The following CCDC157 variants were observed in gnomAD, a reference collection of about 807,000 sequenced individuals.
The protein encoded by CCDC157 is coiled-coil domain-containing protein 157.
Under a neutral mutation model 70.9 loss-of-function variants are expected in CCDC157, and 60 were observed. The ratio of observed to expected loss-of-function variants is 0.85; its 90% confidence interval spans 0.69 to 1.05. The LOEUF (loss-of-function observed/expected upper bound fraction) is 1.05. CCDC157 is among the 50% of genes least tolerant of loss of function. The pLI is 0.00. For synonymous variants in CCDC157, 373 were observed against 422.4 expected (o/e 0.88, Z 1.43); for missense variants, 943 against 984.2 (o/e 0.96, Z 0.56).
chr22:30,363,129 C>T (rs1932468262), intron 2 of CCDC157, among the ~76,000 whole-genome samples: 4 of 152,182 alleles, frequency 2.6e-5, no homozygotes, highest in Admixed American at 2.6e-4. Context: ...CTGAAACCAG[C>T]TGCCAGCTCA....
chr22:30,375,364 G>T (rs571642646), intron 9 of CCDC157, 115 bp from the exon 10 acceptor site: 37 of 936,422 alleles, frequency 4.0e-5, no homozygotes, highest in Non-Finnish European at 5.8e-5. Flanking sequence ...ATAAGGCCTC[G>T]GGAGAAGGAA....
chr22:30,364,357 A>C (rs1235720997), intron 2 of CCDC157, among the ~76,000 whole-genome samples: 1 of 152,180 alleles, frequency 6.6e-6, no homozygotes, highest in Non-Finnish European at 1.5e-5. Context: ...AGACAAAAAA[A>C]GTAAAAAAGA....
chr22:30,366,338 G>A, intron 3 of CCDC157, 90 bp downstream of exon 3: 1 of 1,529,534 alleles, frequency 6.5e-7, no homozygotes, highest in Non-Finnish European at 9.0e-7. Context: ...CCAGAGGCAG[G>A]GGTGATGTTG....
At position 30,360,715 on chromosome 22, in the gene CCDC157, C is replaced by A. The variant is rs147788431; in HGVS notation, c.-165-1246C>A. 1.6e-4 allele frequency among the ~76,000 whole-genome samples: 24 copies of A among 152,050 alleles called. No individual in the cohort carries two copies. In the East Asian group the frequency reaches 4.5e-3, roughly 28 times the overall value. On this transcript the variant is annotated intron_variant, in intron 1 of 11. Coordinates refer to ENST00000338306, the MANE Select transcript of CCDC157 (RefSeq NM_001017437.5). ...TCACCTGAGCTCAGGAGTTGGAGAC[C>A]AGCCTGACCAATATGGTGAAACCCT...
chr22:30,375,637 G>A lies in CCDC157; in HGVS notation c.1831G>A (p.Glu611Lys). 6.2e-7 allele frequency: 1 copy of A among 1,613,946 alleles called. No homozygotes were observed. The highest frequency in any genetic ancestry group is 2.2e-5 in the East Asian group (1 of 44,880). ...CCAATCAATGCTGTCCAAAATCCGG[G>A]AAGTGGCCCAGCAGGGTGGCCTCAA... ...RLQSMLSKIR[E>K]VAQQGGLKLI... The change falls in exon 10 of 12, where the codon GAA becomes AAA. Residue 611 changes from glutamate (E) to lysine (K), a missense_variant. Transcript: ENST00000338306.
chr22:30,367,490 C>T (rs1420583097), intron 3 of CCDC157, among the ~76,000 whole-genome samples: 1 of 152,036 alleles, frequency 6.6e-6, no homozygotes, highest in Non-Finnish European at 1.5e-5. Context: ...CCATCTTCCT[C>T]GGCCTCCCAA....
chr22:30,370,634 G>A lies in CCDC157; in HGVS notation c.729G>A (p.Gln243=). 1 of 1,614,102 alleles carries A rather than the reference G, an allele frequency of 6.2e-7. No individual in the cohort carries two copies. Among genetic ancestry groups the A allele is most frequent in the East Asian group, 2.2e-5 (1 of 44,880 alleles). Residue 243 remains glutamine (Q), a synonymous_variant, in exon 5 of 12, where the codon CAG becomes CAA. Transcript: ENST00000338306. ...GCAAGGTGGTCATCAGCCTGTGTCA[G>A]AGCCAGAACCTGCCCTCGTCCTTAG... The part of the protein sequence containing the change: ...KVGKVVISLC[Q]SQNLPSSLGQ...
At position 30,368,953 on chromosome 22, in the gene CCDC157, G is replaced by A. The variant is rs143663460; in HGVS notation, c.249-479G>A. On this transcript the variant is annotated intron_variant, in intron 3 of 11. Transcript: ENST00000338306. ...TGTCACAGAAGCAGCTCACCCTGCA[G>A]AAGCCCCTGACTAGCCTCAGGAGAC... The A allele has an allele frequency of 1.9e-3, 292 of 152,828 alleles. 1 individual carries two copies. The highest frequency in any genetic ancestry group is 3.4e-3 in the Non-Finnish European group (232 of 68,366). 9.5% of individuals were successfully genotyped at this position (152,828 alleles called of 1,614,324 possible).
At chr22:30,371,211 C>A (rs1454358762) in intron 5 of CCDC157, 1 of 559,670 alleles carries the variant, frequency 1.8e-6, no homozygotes, top group Non-Finnish European at 3.2e-6. Context: ...AGTGAGGGAA[C>A]CGAGGTATGT....
rs902698978 is a variant in CCDC157, at chr22:30,377,303, T to C, written c.*558T>C. ...TGCCTTTAGGAAATGGTGACCGTCA[T>C]GAAGGTTTCTCTAAATCCTGGAGAT... On this transcript the variant is annotated 3_prime_UTR_variant, in exon 12 of 12. Transcript: ENST00000338306. 2 of 156,966 alleles carry C rather than the reference T, an allele frequency of 1.3e-5. No individual in the cohort carries two copies. Among genetic ancestry groups the C allele is most frequent in the Admixed American group, 6.0e-5 (1 of 16,550 alleles). The allele number at this position is 156,966 out of a possible 1,614,324, so 9.7% of individuals were successfully genotyped here.
chr22:30,369,552 C>G lies in CCDC157; in HGVS notation c.369C>G (p.Phe123Leu). The stretch of plus-strand genomic sequence containing the variant: ...CCGTGGGGCTCACGGTGCGGCGCTT[C>G]TGGGACAGCCTGCTGAGGCTGGGCA... ...CMSVGLTVRRFWDSLLRLGTL... is the reference protein window; with the variant it reads ...CMSVGLTVRRLWDSLLRLGTL... The change falls in exon 4 of 12, where the codon TTC (phenylalanine) becomes TTG (leucine). Residue 123 changes from phenylalanine (F) to leucine (L), a missense_variant. Phe to Leu is a conservative substitution (Grantham distance 22). Coordinates refer to ENST00000338306, the MANE Select transcript of CCDC157 (RefSeq NM_001017437.5). 2 of 1,600,858 alleles carry G rather than the reference C, an allele frequency of 1.2e-6. No individual in the cohort carries two copies. The highest frequency in any genetic ancestry group is 1.7e-6 in the Non-Finnish European group (2 of 1,173,944).
chr22:30,370,969 A>G lies in CCDC157; in HGVS notation c.1045+19A>G. 1 of 1,594,786 alleles carries G rather than the reference A, an allele frequency of 6.3e-7. No homozygotes were observed. The highest frequency in any genetic ancestry group is 8.5e-7 in the Non-Finnish European group (1 of 1,170,544). On this transcript the variant is annotated intron_variant, in intron 5 of 11. Transcript: ENST00000338306. ...CTCACAGGTCTGTGCCCCAGAGGCC[A>G]GACGCCTGGTGCCCAGGGGCTCTGC...
At chr22:30,357,328 C>G (rs1264005652) in intron 1 of CCDC157, among the ~76,000 whole-genome samples, 196 bp downstream of exon 1, 1 of 152,062 alleles carries the variant, frequency 6.6e-6, no homozygotes, top group Non-Finnish European at 1.5e-5. Context: ...TCCCTTAGTC[C>G]CCCCTTTCAT....
chr22:30,369,632 T>C lies in CCDC157; in HGVS notation c.420+29T>C, dbSNP rs73406447. On this transcript the variant is annotated intron_variant, in intron 4 of 11. Transcript: ENST00000338306. ...GGTCCCAGCCTCTGTCTCAGGTGGG[T>C]CAGCCTCAGCCTCTATCTCCCCACT... 2.1e-4 allele frequency: 302 copies of C among 1,452,364 alleles called. 1 individual carries two copies. In the African/African-American group the frequency reaches 3.9e-3, roughly 19 times the overall value. 90.0% of individuals were successfully genotyped at this position (1,452,364 alleles called of 1,614,324 possible).
Position 30,376,869 on chromosome 22 carries a change from T to C in CCDC157, c.*124T>C. The C allele has an allele frequency of 2.0e-6, 2 of 994,310 alleles. No homozygotes were observed. The highest frequency in any genetic ancestry group is 3.2e-5 in the South Asian group (2 of 62,432). The allele number at this position is 994,310 out of a possible 1,614,324, so 61.6% of individuals were successfully genotyped here. A position where few individuals can be genotyped will look rare whatever the true frequency, so the allele number is the denominator to read the frequency against. On this transcript the variant is annotated 3_prime_UTR_variant, in exon 12 of 12. Transcript: ENST00000338306. ...TATGACTGAGCCAAGGAAAGAACCC[T>C]TCCTTCCCTGTCCTGGGCAGGGGCC...
At position 30,376,687 on chromosome 22, in the gene CCDC157, T is replaced by C. The variant is rs747716003; in HGVS notation, c.2201T>C (p.Leu734Pro). ...GTCTTGGTCAGGCTGAGAAAGAGACTGTCACCTGGCCGGGGACAGGCCAGC... is the reference window on the plus strand; with the variant it reads ...GTCTTGGTCAGGCTGAGAAAGAGACCGTCACCTGGCCGGGGACAGGCCAGC... ...IKVLVRLRKR[L>P]SPGRGQASSA... Residue 734 changes from leucine (L) to proline (P), a missense_variant, in exon 12 of 12, where the codon CTG becomes CCG. Coordinates refer to ENST00000338306, the MANE Select transcript of CCDC157 (RefSeq NM_001017437.5). 6.2e-7 allele frequency: 1 copy of C among 1,613,474 alleles called. No individual in the cohort carries two copies. Among genetic ancestry groups the C allele is most frequent in the Admixed American group, 1.7e-5 (1 of 60,016 alleles).
intron 1 of CCDC157, among the ~76,000 whole-genome samples, chr22:30,359,395 A>T (rs1932171874): frequency 6.6e-6 from 1 of 152,216 alleles, no homozygotes; most frequent in African/African-American, 2.4e-5. Flanking sequence ...CCCATGGGTG[A>T]AACTGGCACA....
At chr22:30,373,095 TTGAG>T (rs566215145) in intron 7 of CCDC157, 192 of 158,246 alleles carry the variant, frequency 1.2e-3, no homozygotes, top group Non-Finnish European at 1.6e-3. Flanking sequence ...AACAGCCTTA[TTGAG>T]TGAGGTTAAG....
intron 6 of CCDC157, 33 bp from the exon 7 acceptor site, chr22:30,372,042 C>T: frequency 7.1e-7 from 1 of 1,413,038 alleles, no homozygotes; most frequent in Non-Finnish European, 9.7e-7. Flanking sequence ...GCTCCCCTGC[C>T]CTACCCCATC....
Sources: gnomAD v4.1 joint callset for allele counts (sites outside exome capture counted in the v4.1 genomes callset) on GRCh38, gnomAD v4.1.1 for gene constraint, MANE v1.5 for transcripts, NCBI Gene and HGNC (gene_info 2026-07-23, HGNC 2026-07-21) for gene names.